ERBB4: variants seen among roughly 807,000 people sequenced by gnomAD.
The protein encoded by ERBB4 is erb-b2 receptor tyrosine kinase 4.
Under a neutral mutation model 158.0 loss-of-function variants are expected in ERBB4, and 42 were observed. The observed-to-expected ratio is 0.27, with a 90% CI of 0.21 to 0.34. ERBB4 has a LOEUF of 0.34. Ranked by LOEUF, ERBB4 falls within the 10% of genes least tolerant of loss-of-function variation. ERBB4 has a pLI of 1.00. For missense variants in ERBB4, 1,333 were observed against 1,624.1 expected, an observed-to-expected ratio of 0.82 and a Z score of 3.08; for synonymous variants, 583 against 558.7, an observed-to-expected ratio of 1.04 and a Z score of -0.61.
intron 1 of ERBB4, among the ~76,000 whole-genome samples, chr2:212,287,273 C>G (rs1039746208): frequency 6.6e-6 from 1 of 151,968 alleles, no homozygotes; most frequent in Non-Finnish European, 1.5e-5. Context: ...CCTTTACCAC[C>G]GGCAACACCA....
intron 20 of ERBB4, among the ~76,000 whole-genome samples, chr2:211,551,359 T>C (rs1001271806): frequency 1.3e-5 from 2 of 152,222 alleles, no homozygotes; most frequent in African/African-American, 4.8e-5. Context: ...AATGTGGTTA[T>C]ATAATTACAA....
chr2:211,549,104 G>T (rs1320519101), intron 20 of ERBB4, among the ~76,000 whole-genome samples: 2 of 152,000 alleles, frequency 1.3e-5, no homozygotes, highest in East Asian at 3.9e-4. Flanking sequence ...TTGACGTTTT[G>T]TGCTTGCTAC....
chr2:212,192,875 G>A (rs1029419029), intron 1 of ERBB4, among the ~76,000 whole-genome samples: 2 of 152,086 alleles, frequency 1.3e-5, no homozygotes, highest in Non-Finnish European at 2.9e-5. Context: ...ATAGGGAGGA[G>A]GGGAACACCC....
intron 1 of ERBB4, among the ~76,000 whole-genome samples, chr2:212,410,001 C>T (rs1323717669): frequency 6.6e-6 from 1 of 151,694 alleles, no homozygotes; most frequent in East Asian, 1.9e-4. Context: ...AACAATAAAT[C>T]TAAAAAATAA....
Position 212,457,249 on chromosome 2 carries a change from A to T in ERBB4, c.82+81200T>A, listed in dbSNP as rs1688340333. Among the ~76,000 whole-genome samples, 3 of 152,182 alleles carry T rather than the reference A, an allele frequency of 2.0e-5. No homozygotes were observed. In the South Asian group the frequency reaches 6.2e-4, roughly 32 times the overall value. On this transcript the variant is annotated intron_variant, in intron 1 of 27. Coordinates refer to ENST00000342788, the MANE Select transcript of ERBB4 (RefSeq NM_005235.3). ...TATATATATTTTTAAGCCCAAAGCC[A>T]GAAATAATATAAACAAAATATTTTA...
At chr2:212,198,836 G>A (rs191359001) in intron 1 of ERBB4, among the ~76,000 whole-genome samples, 60 of 145,388 alleles carry the variant, frequency 4.1e-4, no homozygotes, top group Admixed American at 3.0e-3. Context: ...CACCCACCTC[G>A]GCCTCCCAAA....
chr2:212,275,941 T>C (rs1052760834), intron 1 of ERBB4, among the ~76,000 whole-genome samples: 1 of 151,860 alleles, frequency 6.6e-6, no homozygotes, highest in Non-Finnish European at 1.5e-5. Context: ...TTAGTATTTC[T>C]AGGCTATACA....
At chr2:211,611,019 C>T (rs912439423) in intron 19 of ERBB4, among the ~76,000 whole-genome samples, 1 of 152,020 alleles carries the variant, frequency 6.6e-6, no homozygotes, top group African/African-American at 2.4e-5. Flanking sequence ...TCCCCTAAGG[C>T]AGTATTTAAA....
intron 2 of ERBB4, among the ~76,000 whole-genome samples, chr2:212,009,555 T>C (rs1254615507): frequency 1.3e-5 from 2 of 152,148 alleles, no homozygotes; most frequent in Non-Finnish European, 2.9e-5. Flanking sequence ...TTGTATGTTG[T>C]TACAGTGGCC....
chr2:211,782,419 GCAGCTTAGCTGT>G (rs1409731791), intron 4 of ERBB4, among the ~76,000 whole-genome samples: 8 of 117,976 alleles, frequency 6.8e-5, no homozygotes, highest in Non-Finnish European at 1.4e-4. Context: ...CTGTCACCTA[GCAGCTTAGCTGT>G]CAGCTCAGCT....
intron 1 of ERBB4, among the ~76,000 whole-genome samples, chr2:212,531,905 A>T (rs1263940088): frequency 6.6e-6 from 1 of 152,114 alleles, no homozygotes. Flanking sequence ...TTTACTCCTC[A>T]TGTGCCATAA....
intron 3 of ERBB4, among the ~76,000 whole-genome samples, chr2:211,890,427 A>G (rs977349487): frequency 1.2e-4 from 18 of 150,798 alleles, no homozygotes; most frequent in African/African-American, 1.7e-4. Flanking sequence ...GAAAGGAACA[A>G]CTGGTACCAG....
intron 19 of ERBB4, among the ~76,000 whole-genome samples, chr2:211,594,805 G>A (rs575295803): frequency 6.6e-6 from 1 of 151,976 alleles, no homozygotes; most frequent in Non-Finnish European, 1.5e-5. Flanking sequence ...ATTCTTTTAT[G>A]TATTCTTTCA....
At chr2:211,776,842 A>G (rs765739560) in intron 4 of ERBB4, among the ~76,000 whole-genome samples, 34 of 152,156 alleles carry the variant, frequency 2.2e-4, no homozygotes, top group Non-Finnish European at 3.8e-4. Context: ...TATTAGTATT[A>G]GGGCAGAGGT....
chr2:212,348,966 T>G (rs1324763538), intron 1 of ERBB4, among the ~76,000 whole-genome samples: 4 of 152,102 alleles, frequency 2.6e-5, no homozygotes, highest in Admixed American at 2.6e-4. Context: ...GCGGAATCTA[T>G]GAAGAAAGCC....
At chr2:211,700,914 G>A (rs543432183) in intron 12 of ERBB4, among the ~76,000 whole-genome samples, 3 of 152,120 alleles carry the variant, frequency 2.0e-5, no homozygotes, top group Non-Finnish European at 2.9e-5. Flanking sequence ...TTTTTATTCA[G>A]TATTTACCAT....
intron 1 of ERBB4, among the ~76,000 whole-genome samples, chr2:212,510,550 A>G (rs896276390): frequency 1.3e-5 from 2 of 152,042 alleles, no homozygotes; most frequent in African/African-American, 2.4e-5. Flanking sequence ...TAGGAAAAAC[A>G]ATTAAACTTT....
At chr2:211,541,749 T>C (rs917377155) in intron 20 of ERBB4, among the ~76,000 whole-genome samples, 1 of 152,070 alleles carries the variant, frequency 6.6e-6, no homozygotes, top group African/African-American at 2.4e-5. Context: ...TAACATTTCA[T>C]CAGTGCTATC....
At chr2:211,841,648 T>C (rs1469573079) in intron 3 of ERBB4, among the ~76,000 whole-genome samples, 1 of 151,988 alleles carries the variant, frequency 6.6e-6, no homozygotes, top group Non-Finnish European at 1.5e-5. Flanking sequence ...TTTATCTCCA[T>C]GTTTTTATTC....
Sources: gnomAD v4.1 joint callset for allele counts (sites outside exome capture counted in the v4.1 genomes callset) on GRCh38, gnomAD v4.1.1 for gene constraint, MANE v1.5 for transcripts, NCBI Gene and HGNC (gene_info 2026-07-23, HGNC 2026-07-21) for gene names.